Variants in DSCC1 observed in about 807,000 individuals in gnomAD.
DSCC1 encodes the protein DNA replication and sister chromatid cohesion 1, also known as sister chromatid cohesion protein DCC1.
DSCC1 carries 32 observed loss-of-function variants against 48.2 expected under a neutral mutation model. The observed-to-expected ratio is 0.66, with a 90% confidence interval of 0.50 to 0.89. The LOEUF is 0.89. Ranked by LOEUF, DSCC1 falls within the 40% of genes least tolerant of loss-of-function variation. DSCC1 has a pLI of 0.00. For synonymous variants in DSCC1, 150 were observed against 171.5 expected, an observed-to-expected ratio of 0.87 and a Z score of 0.98; for missense variants, 421 against 471.7, an observed-to-expected ratio of 0.89 and a Z score of 1.00.
chr8:119,849,133 C>T (rs1427310241), intron 3 of DSCC1, among the ~76,000 whole-genome samples: 3 of 138,556 alleles, frequency 2.2e-5, no homozygotes, highest in African/African-American at 5.4e-5. Flanking sequence ...TGCAGTGAGC[C>T]GAGATCGCGC....
intron 1 of DSCC1, among the ~76,000 whole-genome samples, chr8:119,853,618 G>A (rs1291585288): frequency 2.0e-5 from 3 of 152,256 alleles, no homozygotes; most frequent in African/African-American, 4.8e-5. Flanking sequence ...CTTAGAGAGT[G>A]TTGTTCAAAA....
chr8:119,853,605 C>T (rs547744298), intron 1 of DSCC1, among the ~76,000 whole-genome samples: 7 of 152,386 alleles, frequency 4.6e-5, no homozygotes, highest in African/African-American at 1.4e-4. Context: ...TATGCATAGG[C>T]ATCTTAGAGA....
chr8:119,837,497 TAGA>T (rs1483681708), intron 8 of DSCC1, among the ~76,000 whole-genome samples: 2 of 152,252 alleles, frequency 1.3e-5, no homozygotes, highest in South Asian at 2.1e-4. Context: ...AAAGAAGATG[TAGA>T]AGAAGCTCCA....
intron 7 of DSCC1, among the ~76,000 whole-genome samples, 194 bp downstream of exon 7, chr8:119,841,600 A>G (rs979800196): frequency 2.6e-5 from 4 of 152,188 alleles, no homozygotes; most frequent in Non-Finnish European, 4.4e-5. Flanking sequence ...TTTTAAAGGT[A>G]TATTTTATAA....
rs757586493 is a variant in DSCC1 at position 119,838,277 on chromosome 8, T to C, written c.1055A>G (p.Asp352Gly). ...TACTTACTGAATATATGGAGCAATA[T>C]CTTCTTCTGTCCACTTCTCCCTTAG... ...FSLREKWTEE[D>G]IAPYIQDLCG... Residue 352 changes from aspartate (D) to glycine (G), a missense_variant, in exon 8 of 9, where the codon GAT (aspartate) becomes GGT (glycine). Asp to Gly is a moderately conservative substitution (Grantham distance 94). Transcript: ENST00000313655. 1 of 1,595,708 alleles carries C rather than the reference T, an allele frequency of 6.3e-7. No individual in the cohort carries two copies. The highest frequency in any genetic ancestry group is 2.2e-5 in the East Asian group (1 of 44,526).
In DSCC1 at chr8:119,855,783, G is replaced by C; in HGVS notation, c.13C>G (p.Arg5Gly). ...TGCAGCGTCGCATCCACCTCGTCGC[G>C]GGTCCTCTTCATCGCAGCGCCGGGT... MKRTRDEVDATLQIA... is the reference protein window; with the variant it reads MKRTGDEVDATLQIA... Residue 5 changes from arginine (R) to glycine (G), a missense_variant, in exon 1 of 9, where the codon CGC (arginine) becomes GGC (glycine). This residue lies in a region of DSCC1 where 174 missense variants were observed against 184.5 expected (regional missense o/e 0.94). Transcript: ENST00000313655. 6.5e-6 allele frequency: 10 copies of C among 1,540,746 alleles called. No individual in the cohort carries two copies. Among genetic ancestry groups the C allele is most frequent in the Non-Finnish European group, 8.7e-6 (10 of 1,144,436 alleles).
intron 1 of DSCC1, among the ~76,000 whole-genome samples, chr8:119,853,993 C>G (rs181093943): frequency 7.2e-5 from 11 of 152,074 alleles, no homozygotes; most frequent in Admixed American, 3.3e-4. Flanking sequence ...GAAGATCGCT[C>G]GAGAGCAGGA....
At position 119,855,784 on chromosome 8, in the gene DSCC1, G is replaced by C; in HGVS notation, c.12C>G (p.Thr4=). Residue 4 remains threonine, a synonymous_variant, in exon 1 of 9, where the codon ACC becomes ACG. Coordinates refer to ENST00000313655, the MANE Select transcript of DSCC1 (RefSeq NM_024094.3). MKR[T]RDEVDATLQI... is the part of the protein sequence containing the mutation. Reference sequence around the variant, plus strand: ...GCAGCGTCGCATCCACCTCGTCGCGGGTCCTCTTCATCGCAGCGCCGGGTC... The same window carrying C: ...GCAGCGTCGCATCCACCTCGTCGCGCGTCCTCTTCATCGCAGCGCCGGGTC... 6.5e-7 allele frequency: 1 copy of C among 1,537,820 alleles called. No homozygotes were observed. The highest frequency in any genetic ancestry group is 8.7e-7 in the Non-Finnish European group (1 of 1,142,886).
At chr8:119,847,814 C>T (rs1033783026) in intron 3 of DSCC1, among the ~76,000 whole-genome samples, 5 of 151,766 alleles carry the variant, frequency 3.3e-5, no homozygotes, top group Non-Finnish European at 5.9e-5. Flanking sequence ...TACAGGCATG[C>T]GCCACCACAC....
chr8:119,848,343 G>A lies in DSCC1; in HGVS notation c.487-1263C>T, dbSNP rs530334394. On this transcript the variant is annotated intron_variant, in intron 3 of 8. Coordinates refer to ENST00000313655, the MANE Select transcript of DSCC1 (RefSeq NM_024094.3). ...AAAGTCGAAAGACAACCCACAAAAT[G>A]GGAGAAAATATTTGCAAATAATATA... Among the ~76,000 whole-genome samples the A allele has an allele frequency of 2.0e-5, 3 of 152,212 alleles. No individual in the cohort carries two copies. The South Asian group carries it at 6.2e-4, about 32-fold the overall frequency.
chr8:119,849,184 C>CAAA lies in DSCC1; in HGVS notation c.486+1195_486+1197dup, dbSNP rs550853227. Among the ~76,000 whole-genome samples the CAAA allele has an allele frequency of 4.0e-3, 117 of 29,508 alleles. 9 individuals carry two copies. The highest frequency in any genetic ancestry group is 0.011 in the African/African-American group (87 of 7,998). 19.4% of individuals were successfully genotyped at this position (29,508 alleles called of 152,430 possible). ...TGGGCGACAGAGCGAGACTCCCTCTCAAAAAAAAAAAAAAAAAAAAAAGAC... is the reference window on the plus strand; with the variant it reads ...TGGGCGACAGAGCGAGACTCCCTCTCAAAAAAAAAAAAAAAAAAAAAAAAAGAC... On this transcript the variant is annotated intron_variant, in intron 3 of 8. Transcript: ENST00000313655.
intron 8 of DSCC1, among the ~76,000 whole-genome samples, chr8:119,836,028 G>A (rs971694914): frequency 6.6e-6 from 1 of 152,138 alleles, no homozygotes; most frequent in African/African-American, 2.4e-5. Context: ...AAATAATGGA[G>A]GTGGCCGGGC....
intron 7 of DSCC1, among the ~76,000 whole-genome samples, chr8:119,840,733 G>A (rs1259228605): frequency 2.0e-5 from 3 of 151,814 alleles, no homozygotes; most frequent in African/African-American, 4.8e-5. Flanking sequence ...CCAACATGGC[G>A]AAACCCCGTC....
chr8:119,855,716 T>C lies in DSCC1; in HGVS notation c.80A>G (p.His27Arg), dbSNP rs1046958339. 7 of 1,568,382 alleles carry C rather than the reference T, an allele frequency of 4.5e-6. No individual in the cohort carries two copies. The highest frequency in any genetic ancestry group is 1.4e-5 in the African/African-American group (1 of 73,054). ...GGCCCCAGGGCCGAAGCCCAGGCAG[T>C]GCACCGCCGGCAGCAGCTCGGCCGC... ...LNAAELLPAV[H>R]CLGFGPGASG... Residue 27 changes from histidine to arginine, a missense_variant, in exon 1 of 9, where the codon CAC (histidine) becomes CGC (arginine). Physicochemically the swap from His to Arg is conservative, Grantham distance 29. Around this residue, in one of 3 missense-constraint regions of DSCC1, gnomAD observed 174 missense variants for 184.5 expected, o/e 0.94. Transcript: ENST00000313655.
At position 119,838,380 on chromosome 8, in the gene DSCC1, T is replaced by C; in HGVS notation, c.952A>G (p.Arg318Gly). 1 of 1,606,512 alleles carries C rather than the reference T, an allele frequency of 6.2e-7. No individual in the cohort carries two copies. The highest frequency in any genetic ancestry group is 8.5e-7 in the Non-Finnish European group (1 of 1,177,318). The change falls in exon 8 of 9, where the codon AGA becomes GGA. Residue 318 changes from arginine (R) to glycine (G), a missense_variant. Arg to Gly is a moderately radical substitution (Grantham distance 125, BLOSUM62 -2). This residue lies in a region of DSCC1 where 238 missense variants were observed against 259.0 expected (regional missense o/e 0.92). Coordinates refer to ENST00000313655, the MANE Select transcript of DSCC1 (RefSeq NM_024094.3). Reference protein sequence around the residue: ...KGLALVDRHSRPEIIFLLKVD... With the variant: ...KGLALVDRHSGPEIIFLLKVD... The stretch of plus-strand genomic sequence containing the variant: ...TTCAGCAAAAATATGATTTCTGGTC[T>C]CGAGTGTCTATCCACCAGCGCTAAA...
chr8:119,843,123 T>TA (rs1586578205), intron 5 of DSCC1, among the ~76,000 whole-genome samples: 2 of 146,294 alleles, frequency 1.4e-5, no homozygotes, highest in African/African-American at 2.6e-5. Context: ...TATTTTATTT[T>TA]TTTTTTTTTT....
At chr8:119,849,550 T>C (rs1440893802) in intron 3 of DSCC1, among the ~76,000 whole-genome samples, 4 of 152,168 alleles carry the variant, frequency 2.6e-5, no homozygotes, top group African/African-American at 9.7e-5. Context: ...GGCAAATCTA[T>C]ATAGACAGAA....
chr8:119,847,533 TAC>T (rs1563945835), intron 3 of DSCC1, among the ~76,000 whole-genome samples: 2 of 152,200 alleles, frequency 1.3e-5, no homozygotes, highest in Admixed American at 6.5e-5. Context: ...GTTGAACAAG[TAC>T]AGAGTTTCAG....
In DSCC1 at chr8:119,841,818, C is replaced by T. The variant is rs767691321; in HGVS notation, c.900G>A (p.Met300Ile). 2.5e-6 allele frequency: 4 copies of T among 1,613,930 alleles called. No homozygotes were observed. The highest frequency in any genetic ancestry group is 3.4e-6 in the Non-Finnish European group (4 of 1,179,968). The change falls in exon 7 of 9, where the codon ATG (methionine) becomes ATA (isoleucine). Residue 300 changes from methionine to isoleucine, a missense_variant. Transcript: ENST00000313655. ...CCTTAAGCTGATCAAGACTAGTTAC[C>T]ATTCCTTCAGGAACACTCTGCTGCC... ...EVWQQSVPEG[M>I]VTSLDQLKGL...
Sources: gnomAD v4.1 joint callset for allele counts (sites outside exome capture counted in the v4.1 genomes callset) on GRCh38, gnomAD v4.1.1 for gene constraint, gnomAD v4.1.1 regional missense constraint, MANE v1.5 for transcripts, NCBI Gene and HGNC (gene_info 2026-07-23, HGNC 2026-07-21) for gene names.